The following PCDHGB2 variants were observed in gnomAD, a reference collection of about 807,000 sequenced individuals.
PCDHGB2 encodes protocadherin gamma subfamily B, 2.
Under a neutral mutation model 59.3 loss-of-function variants are expected in PCDHGB2, and 55 were observed. The ratio of observed to expected loss-of-function variants is 0.93; its 90% CI spans 0.75 to 1.16. PCDHGB2 has a LOEUF of 1.16. Among genes scored for constraint, PCDHGB2 ranks in the 50% most tolerant of loss-of-function variants. The pLI is 0.00. For synonymous variants in PCDHGB2, 516 were observed against 512.0 expected (o/e 1.01, Z -0.11); for missense variants, 1,228 against 1,198.5 (o/e 1.02, Z -0.36).
In PCDHGB2 at chr5:141,490,267, G is replaced by A. The variant is rs765238578; in HGVS notation, c.2422-4540G>A. ...TGTGATTCAAGTGGATGTGGGGGAT[G>A]TCAATGACAATGCCCCAGAGGTGCT... On this transcript the variant is annotated intron_variant, in intron 1 of 3. Transcript: ENST00000522605. The surrounding 1 kb of genome is among the most constrained non-coding windows in gnomAD (Gnocchi z 5.4). The A allele has an allele frequency of 6.2e-7, 1 of 1,614,242 alleles. No homozygotes were observed. The highest frequency in any genetic ancestry group is 1.1e-5 in the South Asian group (1 of 91,084).
intron 2 of PCDHGB2, among the ~76,000 whole-genome samples, chr5:141,503,202 C>G (rs1562210201): frequency 6.6e-6 from 1 of 152,090 alleles, no homozygotes; most frequent in East Asian, 1.9e-4. Context: ...ATCAGCCTCT[C>G]AGTGCCCACC....
intron 1 of PCDHGB2, among the ~76,000 whole-genome samples, chr5:141,425,336 G>A (rs2096868804): frequency 6.6e-6 from 1 of 152,182 alleles, no homozygotes; most frequent in South Asian, 2.1e-4. Flanking sequence ...CAAAAAGGAA[G>A]GGTTGGCTTT....
Position 141,476,667 on chromosome 5 carries a change from T to C in PCDHGB2, c.2422-18140T>C. 6.2e-7 allele frequency: 1 copy of C among 1,614,234 alleles called. No individual in the cohort carries two copies. Among genetic ancestry groups the C allele is most frequent in the Non-Finnish European group, 8.5e-7 (1 of 1,180,042 alleles). ...CGAAATGAATACTTTGCGCTTCGCG[T>C]GCAGACGCGGGAGGACAGCACCAAG... On this transcript the variant is annotated intron_variant, in intron 1 of 3. Transcript: ENST00000522605. The surrounding 1 kb of genome is among the most constrained non-coding windows in gnomAD (Gnocchi z 7.6).
At chr5:141,507,239 G>C (rs2099859378) in intron 3 of PCDHGB2, 1 of 152,310 alleles carries the variant, frequency 6.6e-6, no homozygotes, top group Non-Finnish European at 1.5e-5. Context: ...CCCAGTTACA[G>C]TTGAATGTCA....
In PCDHGB2 at chr5:141,512,264, C is replaced by G. The variant is rs1453959730; in HGVS notation, c.*1091C>G. 6.5e-6 allele frequency: 1 copy of G among 152,684 alleles called. No homozygotes were observed. The highest frequency in any genetic ancestry group is 1.5e-5 in the Non-Finnish European group (1 of 68,096). 9.5% of individuals were successfully genotyped at this position (152,684 alleles called of 1,614,324 possible). ...GGGGCCTCTGTGGGTGCTGGGTACTCCAGAGGTGCCACTGGTGGAAGGGTC... is the reference window on the plus strand; with the variant it reads ...GGGGCCTCTGTGGGTGCTGGGTACTGCAGAGGTGCCACTGGTGGAAGGGTC... On this transcript the variant is annotated 3_prime_UTR_variant, in exon 4 of 4. Transcript: ENST00000522605.
chr5:141,409,441 G>A (rs1432743588), intron 1 of PCDHGB2: 1 of 1,613,884 alleles, frequency 6.2e-7, no homozygotes, highest in Admixed American at 1.7e-5. Context: ...TGGACCGAGA[G>A]CAGACACCAG....
At chr5:141,376,179 C>T (rs777443061) in intron 1 of PCDHGB2, 9 of 1,614,014 alleles carry the variant, frequency 5.6e-6, no homozygotes, top group East Asian at 4.5e-5. Context: ...GCGGTGGCCG[C>T]GGTCTCCTGC....
chr5:141,395,332 AT>A (rs2093216099), intron 1 of PCDHGB2: 2 of 1,450,272 alleles, frequency 1.4e-6, no homozygotes, highest in Non-Finnish European at 9.2e-7. Flanking sequence ...GTTGAAAATA[AT>A]TTTTAAGGTG....
At position 141,431,633 on chromosome 5, in the gene PCDHGB2, T is replaced by G; in HGVS notation, c.2422-63174T>G. On this transcript the variant is annotated intron_variant, in intron 1 of 3. Coordinates refer to ENST00000522605, the MANE Select transcript of PCDHGB2 (RefSeq NM_018923.3). This position sits in a 1 kb window ranked among gnomAD's most constrained non-coding sequence, Gnocchi z 4.8. Reference sequence around the variant, plus strand: ...TGTGGACGACAAGGCGGCCCAAGTTTTCAAACTAGATTGTAATTCAGGGAC... The same window carrying G: ...TGTGGACGACAAGGCGGCCCAAGTTGTCAAACTAGATTGTAATTCAGGGAC... 6.2e-7 allele frequency: 1 copy of G among 1,614,240 alleles called. No individual in the cohort carries two copies. Among genetic ancestry groups the G allele is most frequent in the Non-Finnish European group, 8.5e-7 (1 of 1,180,048 alleles).
chr5:141,476,929 G>T lies in PCDHGB2; in HGVS notation c.2422-17878G>T, dbSNP rs1375082202. 6.2e-7 allele frequency: 1 copy of T among 1,614,136 alleles called. No homozygotes were observed. Among genetic ancestry groups the T allele is most frequent in the Admixed American group, 1.7e-5 (1 of 60,034 alleles). On this transcript the variant is annotated intron_variant, in intron 1 of 3. Transcript: ENST00000522605. This position sits in a 1 kb window ranked among gnomAD's most constrained non-coding sequence, Gnocchi z 7.6. ...TGGTACAAGTCCTTGCAACGGATCT[G>T]GATGAAGGCCCCAACGGTGAAATTA...
rs761468303 is a variant in PCDHGB2 at position 141,421,659 on chromosome 5, T to C, written c.2421+59103T>C. 4 of 1,613,700 alleles carry C rather than the reference T, an allele frequency of 2.5e-6. No individual in the cohort carries two copies. The Admixed American group carries it at 6.7e-5, about 27-fold the overall frequency. On this transcript the variant is annotated intron_variant, in intron 1 of 3. Transcript: ENST00000522605. ...AGGACGAAGTGGAGATAAAAGTCAG[T>C]GAGCACGCAATTCCTGGGGCGCGAT...
chr5:141,399,314 A>G, intron 1 of PCDHGB2: 1 of 1,613,988 alleles, frequency 6.2e-7, no homozygotes, highest in African/African-American at 1.3e-5. Flanking sequence ...TCATCCAAAA[A>G]TTCGTATAAG....
At chr5:141,452,281 T>G (rs948141174) in intron 1 of PCDHGB2, among the ~76,000 whole-genome samples, 2 of 152,232 alleles carry the variant, frequency 1.3e-5, no homozygotes, top group Non-Finnish European at 2.9e-5. Flanking sequence ...CCTTTCTTAC[T>G]TTCTGATATA....
intron 1 of PCDHGB2, among the ~76,000 whole-genome samples, chr5:141,455,290 T>C (rs551962783): frequency 5.3e-5 from 8 of 152,206 alleles, no homozygotes; most frequent in East Asian, 1.9e-4. Flanking sequence ...TCACTTTACA[T>C]AGTTTCATCT....
chr5:141,465,997 C>T (rs1344380021), intron 1 of PCDHGB2, among the ~76,000 whole-genome samples: 1 of 151,918 alleles, frequency 6.6e-6, no homozygotes, highest in Non-Finnish European at 1.5e-5. Context: ...TGGCAGGCAC[C>T]TGTAGTCCCA....
intron 1 of PCDHGB2, chr5:141,371,564 C>T (rs1767846992): frequency 6.2e-7 from 1 of 1,613,818 alleles, no homozygotes; most frequent in Non-Finnish European, 8.5e-7. Context: ...AAGGAAACTT[C>T]CCCTTTAAAA....
intron 1 of PCDHGB2, chr5:141,375,832 G>A (rs1771947844): frequency 2.5e-6 from 4 of 1,614,028 alleles, no homozygotes; most frequent in Non-Finnish European, 3.4e-6. Context: ...GCTCCGCAGA[G>A]CCCGGCTACC....
rs564582881 is a variant in PCDHGB2, at chr5:141,432,735, C to T, written c.2422-62072C>T. ...CAGCCCCCTCTCTCCGCCACTGTCA[C>T]GCTCACCGTGGCCGTGGCCGACAGC... On this transcript the variant is annotated intron_variant, in intron 1 of 3. Coordinates refer to ENST00000522605, the MANE Select transcript of PCDHGB2 (RefSeq NM_018923.3). This position sits in a 1 kb window ranked among gnomAD's most constrained non-coding sequence, Gnocchi z 6.0. 2 of 1,614,094 alleles carry T rather than the reference C, an allele frequency of 1.2e-6. No individual in the cohort carries two copies. The highest frequency in any genetic ancestry group is 1.1e-5 in the South Asian group (1 of 91,086).
At chr5:141,504,236 C>A (rs1011850372) in intron 2 of PCDHGB2, among the ~76,000 whole-genome samples, 2 of 152,194 alleles carry the variant, frequency 1.3e-5, no homozygotes, top group African/African-American at 4.8e-5. Flanking sequence ...TTCTAAGAAG[C>A]AGAGAGTTCT....
Sources: gnomAD v4.1 joint callset for allele counts (sites outside exome capture counted in the v4.1 genomes callset) on GRCh38, gnomAD v4.1.1 for gene constraint, Gnocchi (gnomAD v3.1) non-coding constraint, MANE v1.5 for transcripts, NCBI Gene and HGNC (gene_info 2026-07-23, HGNC 2026-07-21) for gene names.